The following FGF12 variants were observed in gnomAD, a reference collection of about 807,000 sequenced individuals.
The protein encoded by FGF12 is fibroblast growth factor 12.
In FGF12, 14 loss-of-function variants were observed where a neutral mutation model predicts 23.6. That is an observed-to-expected ratio of 0.59 (90% CI 0.39 to 0.93). The LOEUF is 0.93. FGF12 is among the 40% of genes least tolerant of loss of function. The probability of loss-of-function intolerance (pLI) is 0.00; values close to 1 mark genes in which losing one functional copy is unlikely to be tolerated. For missense variants in FGF12, 175 were observed against 217.8 expected, an observed-to-expected ratio of 0.80 and a Z score of 1.24; for synonymous variants, 62 against 77.3, an observed-to-expected ratio of 0.80 and a Z score of 1.04.
chr3:192,501,235 TG>T (rs1369303459), intron 2 of FGF12, among the ~76,000 whole-genome samples: 4 of 152,168 alleles, frequency 2.6e-5, no homozygotes, highest in Non-Finnish European at 5.9e-5. Flanking sequence ...AGAATAGAGC[TG>T]GGAAGGGTTC....
intron 2 of FGF12, among the ~76,000 whole-genome samples, chr3:192,446,695 C>A (rs1417701236): frequency 8.5e-5 from 13 of 152,224 alleles, no homozygotes; most frequent in Non-Finnish European, 1.9e-4. Flanking sequence ...AGCCGTCAGA[C>A]CACCGGCATC....
At chr3:192,579,930 T>C (rs1184000504) in intron 2 of FGF12, among the ~76,000 whole-genome samples, 1 of 152,160 alleles carries the variant, frequency 6.6e-6, no homozygotes, top group South Asian at 2.1e-4. Context: ...ATTTCTTTTA[T>C]CTATTCACTC....
In FGF12 at chr3:192,649,829, G is replaced by A. The variant is rs879760401; in HGVS notation, c.13+77352C>T. 9.2e-5 allele frequency among the ~76,000 whole-genome samples: 14 copies of A among 151,836 alleles called. 1 individual carries two copies. Among genetic ancestry groups the A allele is most frequent in the Admixed American group, 5.2e-4 (8 of 15,240 alleles). On this transcript the variant is annotated intron_variant, in intron 2 of 5. Coordinates refer to ENST00000445105, the MANE Select transcript of FGF12 (RefSeq NM_004113.6). ...GCCCACCCCTTCCTCCCAAAGTGCT[G>A]GTATTACAGGTGTGGTCCCTGGCCT...
At chr3:192,369,189 T>G (rs558573130) in intron 2 of FGF12, among the ~76,000 whole-genome samples, 3 of 152,226 alleles carry the variant, frequency 2.0e-5, no homozygotes, top group Non-Finnish European at 4.4e-5. Context: ...AGTGTTTGTA[T>G]GCTGAAGGAA....
chr3:192,332,848 C>A (rs1171353890), intron 4 of FGF12, among the ~76,000 whole-genome samples: 1 of 152,064 alleles, frequency 6.6e-6, no homozygotes, highest in Non-Finnish European at 1.5e-5. Context: ...TAGAAAATTG[C>A]TTTTCAAAGA....
intron 2 of FGF12, among the ~76,000 whole-genome samples, chr3:192,663,151 G>A (rs899109000): frequency 2.2e-4 from 34 of 152,328 alleles, no homozygotes; most frequent in African/African-American, 6.7e-4. Context: ...AAGGTAATTT[G>A]TGTAGAAGTG....
At chr3:192,228,609 A>G (rs1718860121) in intron 4 of FGF12, among the ~76,000 whole-genome samples, 1 of 152,102 alleles carries the variant, frequency 6.6e-6, no homozygotes, top group Non-Finnish European at 1.5e-5. Flanking sequence ...TTTTTCCCTC[A>G]GAATGAGAAA....
chr3:192,268,696 C>T (rs780864563), intron 4 of FGF12: 2 of 449,650 alleles, frequency 4.4e-6, no homozygotes, highest in Admixed American at 2.4e-5. Flanking sequence ...CCTGAGGCTT[C>T]CCTAGAAACC....
chr3:192,630,923 T>C (rs1485323281), intron 2 of FGF12, among the ~76,000 whole-genome samples: 1 of 152,032 alleles, frequency 6.6e-6, no homozygotes, highest in Non-Finnish European at 1.5e-5. Context: ...TTCACTCTTC[T>C]TCCCCCCAAC....
At chr3:192,376,574 C>T (rs1719518929) in intron 2 of FGF12, among the ~76,000 whole-genome samples, 1 of 151,996 alleles carries the variant, frequency 6.6e-6, no homozygotes, top group Admixed American at 6.6e-5. Context: ...GTTGGTCAGG[C>T]TGGTCTCAAA....
At chr3:192,724,411 C>A in intron 2 of FGF12, among the ~76,000 whole-genome samples, 1 of 152,202 alleles carries the variant, frequency 6.6e-6, no homozygotes, top group Non-Finnish European at 1.5e-5. Context: ...CATTGGTATG[C>A]GGTGCCATCT....
At chr3:192,652,359 C>T (rs967123757) in intron 2 of FGF12, among the ~76,000 whole-genome samples, 2 of 152,066 alleles carry the variant, frequency 1.3e-5, no homozygotes, top group African/African-American at 2.4e-5. Flanking sequence ...AATGACAGCC[C>T]GGATGGATGA....
intron 3 of FGF12, among the ~76,000 whole-genome samples, chr3:192,359,387 T>C (rs1718618347): frequency 6.6e-6 from 1 of 152,178 alleles, no homozygotes; most frequent in Non-Finnish European, 1.5e-5. Flanking sequence ...CCTAAATTAC[T>C]TTATGCAGTT....
At chr3:192,634,457 T>G (rs1295904809) in intron 2 of FGF12, among the ~76,000 whole-genome samples, 3 of 152,226 alleles carry the variant, frequency 2.0e-5, no homozygotes, top group Non-Finnish European at 4.4e-5. Context: ...ATAGGTTATA[T>G]GCAAATACTA....
rs752313343 is a variant in FGF12, at chr3:192,727,236, CG to C, written c.-44del. The stretch of plus-strand genomic sequence containing the variant: ...GCTGGGAAGTTCAATGGAAGTTGGC[CG>C]GAAGATGTGGGCCCGCTTCAGATTC... On this transcript the variant is annotated 5_prime_UTR_variant, in exon 2 of 6. Coordinates refer to ENST00000445105, the MANE Select transcript of FGF12 (RefSeq NM_004113.6). 59 of 1,569,012 alleles carry C rather than the reference CG, an allele frequency of 3.8e-5. No individual in the cohort carries two copies. The highest frequency in any genetic ancestry group is 5.0e-5 in the Non-Finnish European group (58 of 1,156,892).
At chr3:192,487,068 C>G (rs189350314) in intron 2 of FGF12, among the ~76,000 whole-genome samples, 151 of 152,214 alleles carry the variant, frequency 9.9e-4, no homozygotes, top group African/African-American at 2.6e-3. Context: ...CTAGAACCAA[C>G]TGGCTGGAGC....
intron 2 of FGF12, among the ~76,000 whole-genome samples, chr3:192,448,438 A>C (rs1425500975): frequency 1.3e-5 from 2 of 152,206 alleles, no homozygotes; most frequent in Non-Finnish European, 2.9e-5. Flanking sequence ...AAGCAACTAA[A>C]TATAAAAGAA....
intron 4 of FGF12, among the ~76,000 whole-genome samples, chr3:192,294,338 T>G (rs1043827705): frequency 2.6e-5 from 4 of 152,200 alleles, no homozygotes; most frequent in Middle Eastern, 3.4e-3. Context: ...ATAAGGACAT[T>G]TATGACATTT....
chr3:192,408,841 C>G lies in FGF12; in HGVS notation c.14-48303G>C. The G allele has an allele frequency of 1.0e-6, 1 of 985,542 alleles. No individual in the cohort carries two copies. The highest frequency in any genetic ancestry group is 1.2e-6 in the Non-Finnish European group (1 of 830,052). 61.0% of individuals were successfully genotyped at this position (985,542 alleles called of 1,614,324 possible). On this transcript the variant is annotated intron_variant, in intron 2 of 5. Transcript: ENST00000445105. This position sits in a 1 kb window ranked among gnomAD's most constrained non-coding sequence, Gnocchi z 7.3. ...GGCAGCAATTTAACTCCCTGCGGCCCGCGGTTCTGAAGATTAGGAGGTCCG... is the reference window on the plus strand; with the variant it reads ...GGCAGCAATTTAACTCCCTGCGGCCGGCGGTTCTGAAGATTAGGAGGTCCG...
Sources: allele counts gnomAD v4.1 joint callset (sites outside exome capture counted in the v4.1 genomes callset), GRCh38; gene constraint gnomAD v4.1.1; non-coding constraint Gnocchi (gnomAD v3.1); transcripts MANE v1.5; gene names NCBI Gene and HGNC (gene_info 2026-07-23, HGNC 2026-07-21).